Variants in DOT1L observed in about 807,000 individuals in gnomAD.
DOT1L encodes histone-lysine N-methyltransferase, H3 lysine-79 specific.
A neutral mutation model predicts 153.3 loss-of-function variants in DOT1L; 33 were observed. The ratio of observed to expected loss-of-function variants is 0.22; its 90% CI spans 0.16 to 0.29. The LOEUF (loss-of-function observed/expected upper bound fraction) is 0.29. Among genes scored for constraint, DOT1L ranks in the 10% least tolerant of loss-of-function variants. DOT1L has a pLI of 1.00. For synonymous variants in DOT1L, 1,135 were observed against 965.1 expected (o/e 1.18, Z -3.26); for missense variants, 1,847 against 2,119.9 (o/e 0.87, Z 2.53).
At chr19:2,189,353 G>T (rs1395345276) in intron 3 of DOT1L, among the ~76,000 whole-genome samples, 1 of 152,200 alleles carries the variant, frequency 6.6e-6, no homozygotes, top group Non-Finnish European at 1.5e-5. Context: ...GGGCAAGGAA[G>T]ACCCTCTAAG....
intron 16 of DOT1L, 167 bp from the exon 17 acceptor site, chr19:2,213,372 G>T (rs187068837): frequency 4.8e-6 from 3 of 619,210 alleles, no homozygotes; most frequent in South Asian, 4.1e-5. Context: ...GTCCCCTCCC[G>T]CCGTGGCCTG....
chr19:2,167,818 C>T (rs2019984585), intron 1 of DOT1L, among the ~76,000 whole-genome samples: 1 of 151,132 alleles, frequency 6.6e-6, no homozygotes, highest in African/African-American at 2.4e-5. Context: ...TCACTGCAAG[C>T]TCCGCCTCCC....
At chr19:2,188,807 C>T (rs2022662990) in intron 3 of DOT1L, among the ~76,000 whole-genome samples, 1 of 152,212 alleles carries the variant, frequency 6.6e-6, no homozygotes, top group Admixed American at 6.5e-5. Flanking sequence ...CAGGTGGAGA[C>T]TGGACAGACT....
chr19:2,168,822 G>A lies in DOT1L; in HGVS notation c.81+4557G>A, dbSNP rs144542675. On this transcript the variant is annotated intron_variant, in intron 1 of 27. Transcript: ENST00000398665. Reference sequence around the variant, plus strand: ...GTAGCGACAGGTTTTCACTATGTTGGCCAGGCTGGTCTCGAACTCCTGACC... The same window carrying A: ...GTAGCGACAGGTTTTCACTATGTTGACCAGGCTGGTCTCGAACTCCTGACC... 2.7e-3 allele frequency among the ~76,000 whole-genome samples: 414 copies of A among 152,198 alleles called. 4 individuals are homozygous for A. The highest frequency in any genetic ancestry group is 9.5e-3 in the African/African-American group (394 of 41,516).
rs2023669785 is a variant in DOT1L at position 2,210,519 on chromosome 19, C to T, written c.1116+9C>T. ...CCGCCGACGCCCCCATGGTAAGGCC[C>T]CAGCCTGGCTCCTGCTGCTGGAGGG... On this transcript the variant is annotated intron_variant, in intron 13 of 27. Transcript: ENST00000398665. The T allele has an allele frequency of 3.1e-6, 5 of 1,593,224 alleles. No individual in the cohort carries two copies. The highest frequency in any genetic ancestry group is 4.3e-6 in the Non-Finnish European group (5 of 1,169,818).
Position 2,216,391 on chromosome 19 carries a change from C to A in DOT1L, c.2034C>A (p.Ala678=). Residue 678 remains alanine, a synonymous_variant, in exon 20 of 28, where the codon GCC becomes GCA. Coordinates refer to ENST00000398665, the MANE Select transcript of DOT1L (RefSeq NM_032482.3). ...ALSLHLRGKG[A]LGRELEPDAS... ...CCCTGCACCTGCGTGGGAAGGGCGC[C>A]CTGGGCCGCGAGCTGGAGCCTGACG... 1 of 1,612,418 alleles carries A rather than the reference C, an allele frequency of 6.2e-7. No individual in the cohort carries two copies. The highest frequency in any genetic ancestry group is 1.1e-5 in the South Asian group (1 of 91,056).
intron 8 of DOT1L, among the ~76,000 whole-genome samples, chr19:2,200,451 C>G (rs936278675): frequency 1.3e-5 from 2 of 152,222 alleles, no homozygotes; most frequent in Admixed American, 6.5e-5. Flanking sequence ...TCCGTCCCCA[C>G]CGCCACCTGT....
At chr19:2,206,370 C>G (rs2023492418) in intron 9 of DOT1L, among the ~76,000 whole-genome samples, 1 of 151,748 alleles carries the variant, frequency 6.6e-6, no homozygotes, top group South Asian at 2.1e-4. Flanking sequence ...CAAGCCTGGC[C>G]AGCAGGGTGA....
At chr19:2,188,691 C>T (rs1209926345) in intron 3 of DOT1L, among the ~76,000 whole-genome samples, 1 of 152,222 alleles carries the variant, frequency 6.6e-6, no homozygotes, top group African/African-American at 2.4e-5. Flanking sequence ...GCCTCCTCCT[C>T]CTGTCTCTTG....
intron 16 of DOT1L, 73 bp downstream of exon 16, chr19:2,211,915 C>A: frequency 7.1e-7 from 1 of 1,416,754 alleles, no homozygotes; most frequent in Non-Finnish European, 9.5e-7. Flanking sequence ...GGCATCTGTC[C>A]CCTGTGGCAG....
At chr19:2,195,469 T>G (rs1568344225) in intron 7 of DOT1L, among the ~76,000 whole-genome samples, 1 of 152,076 alleles carries the variant, frequency 6.6e-6, no homozygotes. Context: ...CCCGCCCTTA[T>G]GGGGTGTGGG....
chr19:2,214,740 C>T, intron 19 of DOT1L, 144 bp downstream of exon 19: 2 of 1,290,340 alleles, frequency 1.5e-6, no homozygotes, highest in South Asian at 3.0e-5. Flanking sequence ...GCTTATGGAA[C>T]CTTCTGTCTT....
chr19:2,209,713 G>A (rs1047011212), intron 12 of DOT1L, among the ~76,000 whole-genome samples: 11 of 152,258 alleles, frequency 7.2e-5, no homozygotes, highest in Admixed American at 2.0e-4. Context: ...TTGTCCGGGC[G>A]TCCTTTCCTT....
In DOT1L at chr19:2,190,846, G is replaced by A. The variant is rs117505833; in HGVS notation, c.265-166G>A. On this transcript the variant is annotated intron_variant, in intron 4 of 27. Transcript: ENST00000398665. This position sits in a 1 kb window ranked among gnomAD's most constrained non-coding sequence, Gnocchi z 4.8. ...GCTGCTTTACTGCTTGTAGGAAATG[G>A]GGCTGGGTTGGAAACTGACCTGGGA... Among the ~76,000 whole-genome samples the A allele has an allele frequency of 0.024, 3,684 of 151,976 alleles. 72 individuals carry two copies. The highest frequency in any genetic ancestry group is 0.041 in the Non-Finnish European group (2,768 of 67,912).
chr19:2,229,282 T>C (rs2024499421), intron 27 of DOT1L: 2 of 985,324 alleles, frequency 2.0e-6, no homozygotes, highest in Non-Finnish European at 2.4e-6. Context: ...ATGGCGTGCC[T>C]GGCGGCGTAG....
chr19:2,227,995 C>T (rs1187951710), intron 27 of DOT1L: 11 of 1,287,790 alleles, frequency 8.5e-6, no homozygotes, highest in African/African-American at 3.1e-5. Flanking sequence ...CACGCCCCCC[C>T]TCCACCTAAC....
chr19:2,225,357 T>G, intron 25 of DOT1L, 31 bp from the exon 26 acceptor site: 1 of 1,602,978 alleles, frequency 6.2e-7, no homozygotes, highest in Non-Finnish European at 8.5e-7. Flanking sequence ...CAGCTGGGTT[T>G]CAAGCATTAA....
intron 1 of DOT1L, among the ~76,000 whole-genome samples, chr19:2,165,719 C>T (rs1037630678): frequency 2.0e-5 from 3 of 151,962 alleles, no homozygotes; most frequent in Non-Finnish European, 4.4e-5. Context: ...GACTGAAGAT[C>T]AATTGAGGTG....
Position 2,227,018 on chromosome 19 carries a change from C to G in DOT1L, c.4497C>G (p.Ser1499Arg), listed in dbSNP as rs370187220. 1.9e-6 allele frequency: 3 copies of G among 1,589,082 alleles called. No individual in the cohort carries two copies. Among genetic ancestry groups the G allele is most frequent in the Non-Finnish European group, 1.7e-6 (2 of 1,174,692 alleles). The change falls in exon 27 of 28, where the codon AGC becomes AGG. Residue 1499 changes from serine (S) to arginine (R), a missense_variant. Coordinates refer to ENST00000398665, the MANE Select transcript of DOT1L (RefSeq NM_032482.3). ...AGSSVLQSLF[S>R]SVPAAAGLVH... is the part of the protein sequence containing the mutation. ...CCTCCGTGCTGCAGTCGCTGTTCAGCTCTGTGCCGGCCGCCGCAGGCCTGG... is the reference window on the plus strand; with the variant it reads ...CCTCCGTGCTGCAGTCGCTGTTCAGGTCTGTGCCGGCCGCCGCAGGCCTGG...
Sources: gnomAD v4.1 joint callset for allele counts (sites outside exome capture counted in the v4.1 genomes callset) on GRCh38, gnomAD v4.1.1 for gene constraint, Gnocchi (gnomAD v3.1) non-coding constraint, MANE v1.5 for transcripts, NCBI Gene and HGNC (gene_info 2026-07-23, HGNC 2026-07-21) for gene names.